BBS9: variants seen among roughly 807,000 people sequenced by gnomAD.
BBS9 encodes the protein protein PTHB1.
BBS9 carries 89 observed loss-of-function variants against 117.7 expected under a neutral mutation model. That is an observed-to-expected ratio of 0.76 (90% CI 0.64 to 0.90). The LOEUF (loss-of-function observed/expected upper bound fraction) is 0.90, where lower values mean the gene tolerates loss of function less well. Ranked by LOEUF, BBS9 falls within the 40% of genes least tolerant of loss-of-function variation. The pLI is 0.00. For missense variants in BBS9, 982 were observed against 1,042.2 expected, an observed-to-expected ratio of 0.94 and a Z score of 0.80; for synonymous variants, 379 against 370.9, an observed-to-expected ratio of 1.02 and a Z score of -0.25.
chr7:33,367,014 A>T (rs1294909304), intron 16 of BBS9, among the ~76,000 whole-genome samples: 3 of 152,216 alleles, frequency 2.0e-5, no homozygotes, highest in African/African-American at 7.2e-5. Flanking sequence ...TGATGGTAAC[A>T]GCCATTGATA....
intron 20 of BBS9, among the ~76,000 whole-genome samples, chr7:33,523,183 A>T (rs1848913613): frequency 6.8e-6 from 1 of 147,466 alleles, no homozygotes; most frequent in African/African-American, 2.5e-5. Context: ...AGGTAGTGTG[A>T]TGCCTCCAGC....
chr7:33,388,131 G>C lies in BBS9; in HGVS notation c.2102G>C (p.Gly701Ala). The C allele has an allele frequency of 6.2e-7, 1 of 1,614,034 alleles. No homozygotes were observed. The highest frequency in any genetic ancestry group is 8.5e-7 in the Non-Finnish European group (1 of 1,179,986). The change falls in exon 19 of 23, where the codon GGA becomes GCA. Residue 701 changes from glycine to alanine, a missense_variant. Coordinates refer to ENST00000242067, the MANE Select transcript of BBS9 (RefSeq NM_198428.3). The stretch of plus-strand genomic sequence containing the variant: ...CAACACCTGGACACCTTGTTAGATG[G>C]AACCTACAAGCAGGTCAGTATAATA... Reference protein sequence around the residue: ...PLQHLDTLLDGTYKQVIALAD... With the variant: ...PLQHLDTLLDATYKQVIALAD...
chr7:33,151,657 C>T (rs954783627), intron 2 of BBS9, among the ~76,000 whole-genome samples: 3 of 151,942 alleles, frequency 2.0e-5, no homozygotes, highest in Non-Finnish European at 2.9e-5. Context: ...TCCAGCGATT[C>T]TCCTGCCTCA....
At chr7:33,426,462 C>T (rs1418147442) in intron 19 of BBS9, among the ~76,000 whole-genome samples, 3 of 152,126 alleles carry the variant, frequency 2.0e-5, no homozygotes, top group East Asian at 1.9e-4. Context: ...TATTAGCTAA[C>T]CTTGTACAAG....
chr7:33,352,948 T>C, intron 15 of BBS9, 75 bp downstream of exon 15: 1 of 1,464,370 alleles, frequency 6.8e-7, no homozygotes, highest in Non-Finnish European at 9.5e-7. Flanking sequence ...TATTATACCA[T>C]GAATGAACTC....
intron 20 of BBS9, among the ~76,000 whole-genome samples, chr7:33,514,513 G>A (rs1387627712): frequency 6.6e-6 from 1 of 152,088 alleles, no homozygotes; most frequent in Non-Finnish European, 1.5e-5. Context: ...GGGTTAGGAT[G>A]GGAGCTGTTA....
Position 33,202,808 on chromosome 7 carries a change from G to A in BBS9, c.442+25217G>A, listed in dbSNP as rs577065287. 1.1e-4 allele frequency among the ~76,000 whole-genome samples: 17 copies of A among 152,256 alleles called. 1 individual carries two copies. The South Asian group carries it at 2.3e-3, about 20-fold the overall frequency. ...AATTCAACATGAGATTTGTGGTGGG[G>A]GGGAACACAAGTCCAAACCATATCA... On this transcript the variant is annotated intron_variant, in intron 5 of 22. Transcript: ENST00000242067.
chr7:33,168,246 G>A (rs1168803941), intron 4 of BBS9, among the ~76,000 whole-genome samples: 7 of 152,118 alleles, frequency 4.6e-5, no homozygotes, highest in Non-Finnish European at 1.0e-4. Context: ...AAATTGTCAA[G>A]GTTTTATAAC....
rs557918203 is a variant in BBS9 at position 33,402,469 on chromosome 7, C to T, written c.2115+14325C>T. The stretch of plus-strand genomic sequence containing the variant: ...ACCACAATCCAATTTTAAACATCAC[C>T]ATTCCCCCAAAAGCCCCCTTGTGTC... On this transcript the variant is annotated intron_variant, in intron 19 of 22. Transcript: ENST00000242067. Among the ~76,000 whole-genome samples the T allele has an allele frequency of 4.6e-5, 7 of 152,194 alleles. No individual in the cohort carries two copies. In the East Asian group the frequency reaches 1.4e-3, roughly 29 times the overall value.
At chr7:33,536,508 G>A (rs1023422746) in intron 21 of BBS9, among the ~76,000 whole-genome samples, 22 of 152,172 alleles carry the variant, frequency 1.4e-4, no homozygotes, top group Non-Finnish European at 2.9e-4. Context: ...GAAAATGGAG[G>A]CAGGAAAATT....
At chr7:33,188,005 G>A (rs917705873) in intron 5 of BBS9, among the ~76,000 whole-genome samples, 3 of 151,530 alleles carry the variant, frequency 2.0e-5, no homozygotes, top group Non-Finnish European at 4.4e-5. Context: ...ATAAAATAAT[G>A]AGGCAAATCA....
intron 19 of BBS9, among the ~76,000 whole-genome samples, chr7:33,428,907 C>T (rs1834022549): frequency 6.6e-6 from 1 of 152,044 alleles, no homozygotes; most frequent in Non-Finnish European, 1.5e-5. Flanking sequence ...TTTGTAAATA[C>T]ATTTTGTGCA....
chr7:33,437,308 G>A (rs970070683), intron 19 of BBS9, among the ~76,000 whole-genome samples: 1 of 152,178 alleles, frequency 6.6e-6, no homozygotes, highest in African/African-American at 2.4e-5. Flanking sequence ...TGACCTCTCT[G>A]CTCCCACACC....
intron 21 of BBS9, among the ~76,000 whole-genome samples, chr7:33,585,128 G>C (rs1342359961): frequency 1.3e-5 from 2 of 151,984 alleles, no homozygotes; most frequent in African/African-American, 4.8e-5. Context: ...GATTCCTATA[G>C]AAGTATCCAC....
At chr7:33,137,309 G>A in intron 1 of BBS9, among the ~76,000 whole-genome samples, 1 of 152,230 alleles carries the variant, frequency 6.6e-6, no homozygotes, top group East Asian at 1.9e-4. Flanking sequence ...AACTGCAGGG[G>A]CAGGGGTGCT....
At chr7:33,485,544 C>T (rs1185545527) in intron 19 of BBS9, among the ~76,000 whole-genome samples, 1 of 151,974 alleles carries the variant, frequency 6.6e-6, no homozygotes, top group Non-Finnish European at 1.5e-5. Flanking sequence ...CTCCTGACCT[C>T]GTGATCCACC....
chr7:33,554,414 A>G (rs1854954067), intron 21 of BBS9, among the ~76,000 whole-genome samples: 1 of 152,180 alleles, frequency 6.6e-6, no homozygotes, highest in Non-Finnish European at 1.5e-5. Context: ...CAATGGAGAT[A>G]GAAGTACAAA....
At chr7:33,173,885 G>T (rs1796963824) in intron 4 of BBS9, among the ~76,000 whole-genome samples, 1 of 152,166 alleles carries the variant, frequency 6.6e-6, no homozygotes, top group South Asian at 2.1e-4. Context: ...CCTAGCCAAT[G>T]ACTTTTCCCT....
intron 20 of BBS9, among the ~76,000 whole-genome samples, chr7:33,531,065 T>C (rs563426578): frequency 1.3e-5 from 2 of 152,052 alleles, no homozygotes; most frequent in Non-Finnish European, 2.9e-5. Flanking sequence ...GCCAACACAG[T>C]GAAACCCCAT....
Sources: gnomAD v4.1 joint callset for allele counts (sites outside exome capture counted in the v4.1 genomes callset) on GRCh38, gnomAD v4.1.1 for gene constraint, MANE v1.5 for transcripts, NCBI Gene and HGNC (gene_info 2026-07-23, HGNC 2026-07-21) for gene names.